CAMK4: variants seen among roughly 807,000 people sequenced by gnomAD.
The protein encoded by CAMK4 is calcium/calmodulin-dependent protein kinase type IV.
In CAMK4, 22 loss-of-function variants were observed where a neutral mutation model predicts 44.9. The observed-to-expected ratio is 0.49, with a 90% CI of 0.35 to 0.70. The LOEUF (loss-of-function observed/expected upper bound fraction) is 0.70. CAMK4 is among the 30% of genes least tolerant of loss of function. The pLI is 0.01. For synonymous variants in CAMK4, 218 were observed against 215.4 expected, an observed-to-expected ratio of 1.01 and a Z score of -0.11; for missense variants, 498 against 586.8, an observed-to-expected ratio of 0.85 and a Z score of 1.56.
intron 1 of CAMK4, among the ~76,000 whole-genome samples, chr5:111,234,756 A>G (rs1748637791): frequency 1.3e-5 from 2 of 152,220 alleles, no homozygotes; most frequent in Non-Finnish European, 2.9e-5. Flanking sequence ...TTCATGGAAA[A>G]AAATAAAGAA....
chr5:111,266,176 T>C lies in CAMK4; in HGVS notation c.161+41532T>C, dbSNP rs181583719. 216 of 148,492 alleles carry C rather than the reference T, an allele frequency of 1.5e-3. 1 individual carries two copies. Among genetic ancestry groups the C allele is most frequent in the African/African-American group, 5.2e-3 (209 of 40,434 alleles). The allele number at this position is 148,492 out of a possible 1,614,324, so 9.2% of individuals were successfully genotyped here. A position where few individuals can be genotyped will look rare whatever the true frequency, so the allele number is the denominator to read the frequency against. ...GGTTTGAAAAGTAGAATAGAAGGTT[T>C]CCTAAATAAATATATTCACACACAC... On this transcript the variant is annotated intron_variant, in intron 1 of 10. Coordinates refer to ENST00000282356, the MANE Select transcript of CAMK4 (RefSeq NM_001744.6).
intron 1 of CAMK4, among the ~76,000 whole-genome samples, chr5:111,267,827 G>A (rs369864077): frequency 8.6e-5 from 13 of 151,246 alleles, no homozygotes; most frequent in East Asian, 3.9e-4. Flanking sequence ...GATCACCACG[G>A]CTTTTGATTC....
At chr5:111,358,733 C>T (rs966488010) in intron 2 of CAMK4, among the ~76,000 whole-genome samples, 2 of 151,946 alleles carry the variant, frequency 1.3e-5, no homozygotes, top group African/African-American at 4.8e-5. Flanking sequence ...CCCTTCACCT[C>T]CAGGTAGGCC....
chr5:111,415,914 C>T (rs1258345409), intron 5 of CAMK4, among the ~76,000 whole-genome samples: 3 of 152,126 alleles, frequency 2.0e-5, no homozygotes, highest in Admixed American at 6.5e-5. Flanking sequence ...TATAAGTAAT[C>T]TACAGATGAT....
At chr5:111,395,813 G>A (rs1323850900) in intron 5 of CAMK4, among the ~76,000 whole-genome samples, 1 of 152,054 alleles carries the variant, frequency 6.6e-6, no homozygotes, top group Non-Finnish European at 1.5e-5. Flanking sequence ...TTCATTTATT[G>A]AATATGAAAC....
At chr5:111,430,055 G>T (rs971545238) in intron 5 of CAMK4, among the ~76,000 whole-genome samples, 3 of 151,948 alleles carry the variant, frequency 2.0e-5, no homozygotes, top group African/African-American at 4.8e-5. Context: ...GAACATTGAT[G>T]CAAAAATCTT....
intron 1 of CAMK4, among the ~76,000 whole-genome samples, chr5:111,284,156 C>A (rs1185215084): frequency 6.6e-6 from 1 of 152,082 alleles, no homozygotes. Context: ...CTTTATATCT[C>A]CCTTATTAAC....
rs1340094105 is a variant in CAMK4, at chr5:111,486,358, A to G, written c.*1892A>G. 1 of 151,846 alleles carries G rather than the reference A, an allele frequency of 6.6e-6. No individual in the cohort carries two copies. The highest frequency in any genetic ancestry group is 1.5e-5 in the Non-Finnish European group (1 of 67,990). The allele number at this position is 151,846 out of a possible 1,614,324, so 9.4% of individuals were successfully genotyped here. A position where few individuals can be genotyped will look rare whatever the true frequency, so the allele number is the denominator to read the frequency against. ...TCCCTCTTTCCTTCCTTCCTCATTT[A>G]ATTATTCCCTCTCAGAATTCCCATG... On this transcript the variant is annotated 3_prime_UTR_variant, in exon 11 of 11. Transcript: ENST00000282356.
At position 111,394,692 on chromosome 5, in the gene CAMK4, C is replaced by T. The variant is rs1751930739; in HGVS notation, c.387-18C>T. ...GAATGAATGTGCCTGAGAAGCATTT[C>T]CTTTCTTTTTGTTCCAGGATTGTGG... On this transcript the variant is annotated intron_variant, in intron 4 of 10. Transcript: ENST00000282356. 4 of 1,581,870 alleles carry T rather than the reference C, an allele frequency of 2.5e-6. No homozygotes were observed. The highest frequency in any genetic ancestry group is 1.7e-5 in the Admixed American group (1 of 58,848).
intron 5 of CAMK4, among the ~76,000 whole-genome samples, chr5:111,422,402 G>C (rs1438935378): frequency 6.6e-6 from 1 of 152,176 alleles, no homozygotes; most frequent in African/African-American, 2.4e-5. Context: ...CTGAAACTCA[G>C]AGATGGGCCT....
intron 5 of CAMK4, among the ~76,000 whole-genome samples, chr5:111,431,504 A>G (rs1753440794): frequency 6.6e-6 from 1 of 152,174 alleles, no homozygotes. Flanking sequence ...GCAAACATGG[A>G]CATGCAGGAT....
At chr5:111,401,840 G>A (rs1031758914) in intron 5 of CAMK4, among the ~76,000 whole-genome samples, 1 of 152,144 alleles carries the variant, frequency 6.6e-6, no homozygotes, top group African/African-American at 2.4e-5. Flanking sequence ...GATTGAAGGA[G>A]GTTCTCTATG....
At chr5:111,316,778 A>G (rs773251047) in intron 1 of CAMK4, among the ~76,000 whole-genome samples, 3 of 152,206 alleles carry the variant, frequency 2.0e-5, no homozygotes, top group East Asian at 3.9e-4. Context: ...CAAGCAATCT[A>G]TAATTTCAAT....
In CAMK4 at chr5:111,437,142, A is replaced by G. The variant is rs78961996; in HGVS notation, c.460-9544A>G. ...GACTAAGTATTATTATCTACCAAGA[A>G]TAGTATATGTTTAATAAGTGCAAAG... On this transcript the variant is annotated intron_variant, in intron 5 of 10. Coordinates refer to ENST00000282356, the MANE Select transcript of CAMK4 (RefSeq NM_001744.6). Among the ~76,000 whole-genome samples the G allele has an allele frequency of 9.5e-3, 1,445 of 152,332 alleles. 23 individuals carry two copies. The highest frequency in any genetic ancestry group is 0.033 in the African/African-American group (1,384 of 41,568).
intron 2 of CAMK4, among the ~76,000 whole-genome samples, chr5:111,357,433 A>G (rs995519925): frequency 1.3e-5 from 2 of 152,154 alleles, no homozygotes; most frequent in African/African-American, 4.8e-5. Flanking sequence ...TACCTTAGTG[A>G]GAAGGGGAAA....
intron 5 of CAMK4, among the ~76,000 whole-genome samples, chr5:111,397,655 G>GTGTA (rs1752069131): frequency 8.8e-6 from 1 of 113,754 alleles, no homozygotes; most frequent in Non-Finnish European, 1.8e-5. Flanking sequence ...CATGCTGTGT[G>GTGTA]TGTGTGTGTG....
intron 1 of CAMK4, among the ~76,000 whole-genome samples, chr5:111,294,975 A>C (rs1451828676): frequency 6.6e-6 from 1 of 152,248 alleles, no homozygotes; most frequent in East Asian, 1.9e-4. Flanking sequence ...ATATCTATAC[A>C]GGGAAGTAAT....
intron 1 of CAMK4, among the ~76,000 whole-genome samples, chr5:111,301,158 T>A (rs1273222504): frequency 6.6e-6 from 1 of 152,100 alleles, no homozygotes; most frequent in Non-Finnish European, 1.5e-5. Flanking sequence ...GGTCTGGGCA[T>A]CTTGACTATA....
chr5:111,373,069 A>G (rs1259383649), intron 2 of CAMK4, among the ~76,000 whole-genome samples: 1 of 152,208 alleles, frequency 6.6e-6, no homozygotes, highest in Non-Finnish European at 1.5e-5. Flanking sequence ...ACTGGCATCC[A>G]AACAACAAAA....
Sources: gnomAD v4.1 joint callset for allele counts (sites outside exome capture counted in the v4.1 genomes callset) on GRCh38, gnomAD v4.1.1 for gene constraint, MANE v1.5 for transcripts, NCBI Gene and HGNC (gene_info 2026-07-23, HGNC 2026-07-21) for gene names.